PRMT8: variants seen among roughly 807,000 people sequenced by gnomAD.
PRMT8 encodes protein arginine N-methyltransferase 8.
Under a neutral mutation model 47.1 loss-of-function variants are expected in PRMT8, and 7 were observed. The observed-to-expected ratio is 0.15, with a 90% CI of 0.08 to 0.28. The LOEUF (loss-of-function observed/expected upper bound fraction) is 0.28, where lower values mean the gene tolerates loss of function less well. Ranked by LOEUF, PRMT8 falls within the 10% of genes least tolerant of loss-of-function variation. The pLI is 1.00. For synonymous variants in PRMT8, 188 were observed against 186.5 expected (o/e 1.01, Z -0.07); for missense variants, 237 against 505.4 (o/e 0.47, Z 5.09).
intron 1 of PRMT8, among the ~76,000 whole-genome samples, chr12:3,469,951 A>G (rs1217261045): frequency 1.3e-5 from 2 of 152,186 alleles, no homozygotes; most frequent in Admixed American, 6.5e-5. Flanking sequence ...GGTGCCGAGG[A>G]GCACACAGAG....
intron 1 of PRMT8, among the ~76,000 whole-genome samples, chr12:3,522,669 C>T (rs1276347111): frequency 1.1e-5 from 1 of 93,248 alleles, no homozygotes; most frequent in African/African-American, 3.9e-5. Context: ...AAAAAAAAAA[C>T]AAGCTCCACC....
At chr12:3,512,698 C>T (rs1392436063) in intron 1 of PRMT8, among the ~76,000 whole-genome samples, 1 of 152,222 alleles carries the variant, frequency 6.6e-6, no homozygotes, top group East Asian at 1.9e-4. Context: ...ACTCTTCTTC[C>T]CAGCTCTTGC....
In PRMT8 at chr12:3,389,017, C is replaced by A. The variant is rs375085226; in HGVS notation, c.48+7575C>A. Among the ~76,000 whole-genome samples the A allele has an allele frequency of 1.2e-4, 19 of 152,258 alleles. No individual in the cohort carries two copies. In the South Asian group the frequency reaches 4.0e-3, roughly 32 times the overall value. The stretch of plus-strand genomic sequence containing the variant: ...GATTCCATCCCACGGTGCCCAGGAC[C>A]ACCTGCTTGCCAGCACCACACTGGG... On this transcript the variant is annotated intron_variant, in intron 1 of 9. Transcript: ENST00000452611.
intron 1 of PRMT8, among the ~76,000 whole-genome samples, chr12:3,442,628 G>A (rs558961709): frequency 4.6e-5 from 7 of 152,190 alleles, no homozygotes; most frequent in South Asian, 2.1e-4. Context: ...CAGGGCCACC[G>A]CTTGGATGCA....
chr12:3,533,061 C>G (rs950823955), intron 1 of PRMT8, among the ~76,000 whole-genome samples: 1 of 152,120 alleles, frequency 6.6e-6, no homozygotes, highest in Non-Finnish European at 1.5e-5. Flanking sequence ...GGTAAGAAAA[C>G]CCTATGTAGG....
chr12:3,456,342 C>T lies in PRMT8; in HGVS notation c.48+74900C>T, dbSNP rs541646323. On this transcript the variant is annotated intron_variant, in intron 1 of 9. Transcript: ENST00000452611. This position sits in a 1 kb window ranked among gnomAD's most constrained non-coding sequence, Gnocchi z 4.2. ...AGTGGAGCTATTAAATAAATGTTCA[C>T]GACATTTTTCTGGATCGTGGATCCC... Among the ~76,000 whole-genome samples, 1 of 152,158 alleles carries T rather than the reference C, an allele frequency of 6.6e-6. No homozygotes were observed. The highest frequency in any genetic ancestry group is 1.5e-5 in the Non-Finnish European group (1 of 68,034).
In PRMT8 at chr12:3,569,587, G is replaced by T; in HGVS notation, c.712+23G>T. The T allele has an allele frequency of 1.3e-6, 2 of 1,598,944 alleles. No individual in the cohort carries two copies. The highest frequency in any genetic ancestry group is 8.6e-7 in the Non-Finnish European group (1 of 1,166,252). The stretch of plus-strand genomic sequence containing the variant: ...ACTGTAAGTCCCCTCTTGCTTCTCC[G>T]GTGGACTTCCACTGCACAATTGGGG... On this transcript the variant is annotated intron_variant, in intron 6 of 9. Coordinates refer to ENST00000382622, the MANE Select transcript of PRMT8 (RefSeq NM_019854.5). This position sits in a 1 kb window ranked among gnomAD's most constrained non-coding sequence, Gnocchi z 8.2.
chr12:3,448,701 G>T (rs566075814), intron 1 of PRMT8, among the ~76,000 whole-genome samples: 4 of 151,880 alleles, frequency 2.6e-5, no homozygotes, highest in Admixed American at 2.6e-4. Context: ...GAAAACCACC[G>T]TTTTTTTATT....
intron 1 of PRMT8, among the ~76,000 whole-genome samples, chr12:3,423,907 A>G (rs539462420): frequency 6.6e-6 from 1 of 152,232 alleles, no homozygotes; most frequent in East Asian, 1.9e-4. Context: ...GGCTTTCAGG[A>G]CCCAGAAATT....
intron 1 of PRMT8, among the ~76,000 whole-genome samples, chr12:3,471,254 C>A (rs1006659943): frequency 1.3e-5 from 2 of 152,058 alleles, no homozygotes; most frequent in Non-Finnish European, 2.9e-5. Flanking sequence ...TGAAAACAGG[C>A]AAGAGTGGGA....
chr12:3,382,756 C>A (rs1401469906), intron 1 of PRMT8, among the ~76,000 whole-genome samples: 1 of 152,100 alleles, frequency 6.6e-6, no homozygotes, highest in Non-Finnish European at 1.5e-5. Flanking sequence ...TTTTATGAAA[C>A]ATGCTTTTGG....
Position 3,383,351 on chromosome 12 carries a change from C to T in PRMT8, c.48+1909C>T, listed in dbSNP as rs902900361. Among the ~76,000 whole-genome samples the T allele has an allele frequency of 1.2e-4, 19 of 152,178 alleles. 1 individual carries two copies. The highest frequency in any genetic ancestry group is 3.4e-4 in the African/African-American group (14 of 41,446). On this transcript the variant is annotated intron_variant, in intron 1 of 9. Coordinates refer to the PRMT8 transcript ENST00000452611. ...TCTGTTGAGGCTTCTAAACCATGAACGCAATGTGTCTCTATTTTATTTAGA... is the reference window on the plus strand; with the variant it reads ...TCTGTTGAGGCTTCTAAACCATGAATGCAATGTGTCTCTATTTTATTTAGA...
intron 7 of PRMT8, among the ~76,000 whole-genome samples, chr12:3,582,599 C>T (rs1591615273): frequency 6.6e-6 from 1 of 152,248 alleles, no homozygotes; most frequent in Non-Finnish European, 1.5e-5. Context: ...TGTTTTGGTC[C>T]AGCAGGTCTG....
chr12:3,417,620 G>A (rs566555242), intron 1 of PRMT8, among the ~76,000 whole-genome samples: 1 of 152,136 alleles, frequency 6.6e-6, no homozygotes, highest in South Asian at 2.1e-4. Flanking sequence ...TTTAAAGAGG[G>A]TTGGTAATTT....
At chr12:3,530,201 AG>A (rs1354435650) in intron 1 of PRMT8, among the ~76,000 whole-genome samples, 2 of 152,144 alleles carry the variant, frequency 1.3e-5, no homozygotes, top group Admixed American at 1.3e-4. Context: ...TGCCCTCTCA[AG>A]GGAAGTGAAT....
chr12:3,515,490 A>T (rs1410073586), intron 1 of PRMT8, among the ~76,000 whole-genome samples: 1 of 152,226 alleles, frequency 6.6e-6, no homozygotes, highest in South Asian at 2.1e-4. Context: ...CGTTGTGCAC[A>T]TGTACCCTAA....
chr12:3,567,467 A>G (rs529063486), intron 4 of PRMT8, among the ~76,000 whole-genome samples: 1 of 152,338 alleles, frequency 6.6e-6, no homozygotes, highest in African/African-American at 2.4e-5. Flanking sequence ...TGCAAAAGCA[A>G]TAGAGGAGGC....
intron 1 of PRMT8, among the ~76,000 whole-genome samples, chr12:3,389,471 C>T (rs1258094684): frequency 6.6e-6 from 1 of 152,234 alleles, no homozygotes; most frequent in African/African-American, 2.4e-5. Flanking sequence ...TCTTTCCTTC[C>T]TTCCTTCCTT....
intron 1 of PRMT8, among the ~76,000 whole-genome samples, chr12:3,389,834 T>C (rs1565396331): frequency 6.6e-6 from 1 of 152,136 alleles, no homozygotes; most frequent in Admixed American, 6.5e-5. Flanking sequence ...AGAGGGCAAG[T>C]ATGGGAAGCA....
Sources: gnomAD v4.1 joint callset for allele counts (sites outside exome capture counted in the v4.1 genomes callset) on GRCh38, gnomAD v4.1.1 for gene constraint, Gnocchi (gnomAD v3.1) non-coding constraint, MANE v1.5 for transcripts, NCBI Gene and HGNC (gene_info 2026-07-23, HGNC 2026-07-21) for gene names.